The following CD200 variants were observed in gnomAD, a reference collection of about 807,000 sequenced individuals.
The protein encoded by CD200 is CD200 molecule.
In CD200, 15 loss-of-function variants were observed where a neutral mutation model predicts 30.9. The observed-to-expected ratio is 0.49, with a 90% CI of 0.32 to 0.75. The LOEUF is 0.75. Among genes scored for constraint, CD200 ranks in the 30% least tolerant of loss-of-function variants. The pLI is 0.03. For synonymous variants in CD200, 134 were observed against 126.2 expected (o/e 1.06, Z -0.41); for missense variants, 262 against 324.2 (o/e 0.81, Z 1.47).
chr3:112,340,201 C>G (rs970252316), intron 1 of CD200, among the ~76,000 whole-genome samples: 1 of 151,892 alleles, frequency 6.6e-6, no homozygotes, highest in Non-Finnish European at 1.5e-5. Context: ...ACATACAGAC[C>G]AAATGAATGG....
At position 112,361,645 on chromosome 3, in the gene CD200, C is replaced by T; in HGVS notation, c.*95C>T. ...GAAAAGGGGCCATTCTCCAAAGGAC[C>T]TGAAAGAGCAAAAGAGGTGGGAGCG... On this transcript the variant is annotated 3_prime_UTR_variant, in exon 6 of 6. Transcript: ENST00000315711. 1.8e-6 allele frequency: 2 copies of T among 1,138,716 alleles called. No individual in the cohort carries two copies. The highest frequency in any genetic ancestry group is 1.2e-5 in the South Asian group (1 of 80,846). The allele number at this position is 1,138,716 out of a possible 1,614,324, so 70.5% of individuals were successfully genotyped here.
intron 5 of CD200, among the ~76,000 whole-genome samples, chr3:112,357,528 T>G (rs1434643480): frequency 6.6e-6 from 1 of 152,188 alleles, no homozygotes; most frequent in Non-Finnish European, 1.5e-5. Flanking sequence ...TCTAAGGTCC[T>G]TTTTCGTTTT....
intron 2 of CD200, among the ~76,000 whole-genome samples, chr3:112,342,898 T>A (rs2081300554): frequency 6.6e-6 from 1 of 152,164 alleles, no homozygotes; most frequent in Non-Finnish European, 1.5e-5. Context: ...GGTAGCAACT[T>A]TTTTGTAGCC....
chr3:112,352,853 T>C (rs932502010), intron 5 of CD200, among the ~76,000 whole-genome samples: 1 of 152,196 alleles, frequency 6.6e-6, no homozygotes, highest in Non-Finnish European at 1.5e-5. Flanking sequence ...TTACTTTTCT[T>C]GTGATCCTGT....
Position 112,361,669 on chromosome 3 carries a change from C to A in CD200, c.*119C>A. 1 of 932,616 alleles carries A rather than the reference C, an allele frequency of 1.1e-6. No individual in the cohort carries two copies. The highest frequency in any genetic ancestry group is 1.8e-6 in the Non-Finnish European group (1 of 564,050). The allele number at this position is 932,616 out of a possible 1,614,324, so 57.8% of individuals were successfully genotyped here. On this transcript the variant is annotated 3_prime_UTR_variant, in exon 6 of 6. Transcript: ENST00000315711. ...CCTGAAAGAGCAAAAGAGGTGGGAG[C>A]GAAAGCCTTAAGGATCCCACGACTT...
chr3:112,332,926 T>C, upstream of CD200: 1 of 443,888 alleles, frequency 2.3e-6, no homozygotes, highest in Non-Finnish European at 4.0e-6. Flanking sequence ...AAAAAAATGA[T>C]TTTTTTTTTC....
intron 2 of CD200, among the ~76,000 whole-genome samples, chr3:112,341,911 T>C (rs12106967): frequency 0.43 from 64,761 of 152,004 alleles, 13,829 homozygotes; most frequent in South Asian, 0.49. Flanking sequence ...TTTCACATCT[T>C]CCAAGAGTAT....
At chr3:112,353,323 G>GCTTT (rs77524681) in intron 5 of CD200, among the ~76,000 whole-genome samples, 36,496 of 151,840 alleles carry the variant, frequency 0.24, 4,670 homozygotes, top group Non-Finnish European at 0.29. Flanking sequence ...GCTTTGCTTT[G>GCTTT]GTTTGGTTGA....
intron 3 of CD200, among the ~76,000 whole-genome samples, chr3:112,346,860 C>A (rs1410074474): frequency 6.6e-6 from 1 of 152,192 alleles, no homozygotes; most frequent in African/African-American, 2.4e-5. Context: ...CTACAGCTGG[C>A]CTGAAAATAA....
At chr3:112,339,487 A>G (rs758652706) in intron 1 of CD200, among the ~76,000 whole-genome samples, 1 of 152,210 alleles carries the variant, frequency 6.6e-6, no homozygotes, top group Non-Finnish European at 1.5e-5. Context: ...ATGCTCAGAT[A>G]CCAGTTTGCA....
intron 5 of CD200, among the ~76,000 whole-genome samples, chr3:112,356,975 C>T (rs1406533518): frequency 1.3e-5 from 2 of 152,100 alleles, no homozygotes; most frequent in African/African-American, 2.4e-5. Flanking sequence ...AGAAAAGTGC[C>T]TAATGGCCGG....
At chr3:112,337,153 G>A (rs368582486) in intron 1 of CD200, among the ~76,000 whole-genome samples, 2 of 152,276 alleles carry the variant, frequency 1.3e-5, no homozygotes, top group African/African-American at 4.8e-5. Context: ...AAACTGGAAA[G>A]CAGATGGGTG....
At chr3:112,343,625 A>C (rs2081318739) in intron 2 of CD200, among the ~76,000 whole-genome samples, 3 of 152,108 alleles carry the variant, frequency 2.0e-5, no homozygotes, top group Admixed American at 6.5e-5. Flanking sequence ...TTCCTATTTA[A>C]CTTTTTTTCC....
At chr3:112,346,830 G>A (rs1415477795) in intron 3 of CD200, among the ~76,000 whole-genome samples, 2 of 152,174 alleles carry the variant, frequency 1.3e-5, no homozygotes, top group African/African-American at 4.8e-5. Context: ...CTAGTCAGGG[G>A]ATTTTCAAAA....
At chr3:112,333,658 CA>C (rs2081048595) in intron 1 of CD200, 8 of 985,416 alleles carry the variant, frequency 8.1e-6, no homozygotes, top group Non-Finnish European at 9.6e-6. Context: ...ATATTGGCAC[CA>C]AAAGCTGCGG....
At chr3:112,351,946 A>C (rs937274430) in intron 5 of CD200, among the ~76,000 whole-genome samples, 7 of 152,162 alleles carry the variant, frequency 4.6e-5, no homozygotes, top group African/African-American at 1.4e-4. Flanking sequence ...ATGGGAACTA[A>C]CAGAGAGAGA....
chr3:112,355,611 C>A (rs557020632), intron 5 of CD200, among the ~76,000 whole-genome samples: 1 of 152,130 alleles, frequency 6.6e-6, no homozygotes, highest in Non-Finnish European at 1.5e-5. Context: ...CTTATCATAA[C>A]GTATTAAACC....
intron 5 of CD200, among the ~76,000 whole-genome samples, chr3:112,353,298 T>TGTTTG (rs886519675): frequency 2.1e-5 from 3 of 142,356 alleles, no homozygotes; most frequent in African/African-American, 7.6e-5. Flanking sequence ...AGCTTTATTT[T>TGTTTG]GTTTGGTTTG....
chr3:112,340,599 T>C (rs2081216401), intron 1 of CD200, among the ~76,000 whole-genome samples: 1 of 152,146 alleles, frequency 6.6e-6, no homozygotes, highest in Non-Finnish European at 1.5e-5. Context: ...CAGTTTGTTT[T>C]CCCCAGTGAT....
Sources: gnomAD v4.1 joint callset for allele counts (sites outside exome capture counted in the v4.1 genomes callset) on GRCh38, gnomAD v4.1.1 for gene constraint, MANE v1.5 for transcripts, NCBI Gene and HGNC (gene_info 2026-07-23, HGNC 2026-07-21) for gene names.